SYT1: variants seen among roughly 807,000 people sequenced by gnomAD.
The protein encoded by SYT1 is synaptotagmin-1.
A neutral mutation model predicts 44.8 loss-of-function variants in SYT1; 8 were observed. The ratio of observed to expected loss-of-function variants is 0.18; its 90% CI spans 0.10 to 0.32. The LOEUF is 0.32. Ranked by LOEUF, SYT1 falls within the 10% of genes least tolerant of loss-of-function variation. The pLI is 1.00. For missense variants in SYT1, 286 were observed against 509.3 expected, an observed-to-expected ratio of 0.56 and a Z score of 4.22; for synonymous variants, 154 against 188.8, an observed-to-expected ratio of 0.82 and a Z score of 1.51.
chr12:79,329,237 T>C (rs1338075095), intron 8 of SYT1, among the ~76,000 whole-genome samples: 1 of 152,114 alleles, frequency 6.6e-6, no homozygotes, highest in Non-Finnish European at 1.5e-5. Flanking sequence ...AGGGCCCAAG[T>C]GTGGTAAGAT....
Position 79,349,060 on chromosome 12 carries a change from G to GAAAGAAAGAAA in SYT1, c.811-4442_811-4441insAAAGAAAGAAA, listed in dbSNP as rs1565920027. Among the ~76,000 whole-genome samples the GAAAGAAAGAAA allele has an allele frequency of 2.2e-3, 279 of 128,796 alleles. 1 individual carries two copies. The highest frequency in any genetic ancestry group is 7.8e-3 in the Middle Eastern group (2 of 258). 84.5% of individuals were successfully genotyped at this position (128,796 alleles called of 152,430 possible). Reference sequence around the variant, plus strand: ...AAGAAAGAAAGAAAGAAAGAAAGGAGGGAGGGAGGGAGGGAGGGAAGGAAG... The same window carrying GAAAGAAAGAAA: ...AAGAAAGAAAGAAAGAAAGAAAGGAGAAAGAAAGAAAGGAGGGAGGGAGGGAGGGAAGGAAG... On this transcript the variant is annotated intron_variant, in intron 8 of 10. Transcript: ENST00000261205.
chr12:79,122,282 A>C (rs1868282442), intron 3 of SYT1, among the ~76,000 whole-genome samples: 1 of 151,868 alleles, frequency 6.6e-6, no homozygotes, highest in East Asian at 1.9e-4. Flanking sequence ...TGGGAGGCCG[A>C]GGCGGGCGGA....
At chr12:79,240,691 AGTTTCTGTGCTTAATTTGATCTC>A (rs572413875) in intron 4 of SYT1, among the ~76,000 whole-genome samples, 37 of 152,298 alleles carry the variant, frequency 2.4e-4, no homozygotes, top group African/African-American at 8.2e-4. Context: ...GAAGAAGTAG[AGTTTCTGTGCTTAATTTGATCTC>A]AGTTGTACAA....
chr12:79,409,561 G>A (rs1868342532), intron 9 of SYT1, among the ~76,000 whole-genome samples: 1 of 152,054 alleles, frequency 6.6e-6, no homozygotes, highest in South Asian at 2.1e-4. Context: ...ATACCTGAAT[G>A]GCCTAGAGGT....
At chr12:79,252,883 G>A (rs948852954) in intron 4 of SYT1, among the ~76,000 whole-genome samples, 15 of 152,288 alleles carry the variant, frequency 9.8e-5, no homozygotes, top group African/African-American at 3.4e-4. Context: ...CTAGTTGACA[G>A]GTTGAGCCAG....
chr12:79,342,550 A>C (rs1882425434), intron 8 of SYT1, among the ~76,000 whole-genome samples: 1 of 152,218 alleles, frequency 6.6e-6, no homozygotes, highest in Non-Finnish European at 1.5e-5. Context: ...TGACTCTGTC[A>C]ATTGTATTCT....
chr12:79,342,831 G>A (rs1229821339), intron 8 of SYT1, among the ~76,000 whole-genome samples: 2 of 152,112 alleles, frequency 1.3e-5, no homozygotes, highest in Non-Finnish European at 2.9e-5. Context: ...TCAGTTTTTG[G>A]CATTCGAGTC....
chr12:79,304,876 T>A (rs1213357895), intron 8 of SYT1, among the ~76,000 whole-genome samples: 1 of 152,074 alleles, frequency 6.6e-6, no homozygotes, highest in Non-Finnish European at 1.5e-5. Flanking sequence ...TATCTCTGCG[T>A]CCATATCATG....
At chr12:78,940,900 A>G (rs903496068) in intron 1 of SYT1, among the ~76,000 whole-genome samples, 14 of 152,108 alleles carry the variant, frequency 9.2e-5, no homozygotes, top group Non-Finnish European at 1.9e-4. Flanking sequence ...TCTGTTTCAG[A>G]AAGGTCAACA....
At chr12:78,918,547 T>A (rs1192242972) in intron 1 of SYT1, among the ~76,000 whole-genome samples, 5 of 151,998 alleles carry the variant, frequency 3.3e-5, no homozygotes, top group Admixed American at 1.3e-4. Flanking sequence ...ACTCTTGATA[T>A]GTATGGGAAA....
At chr12:79,352,856 T>C (rs17005513) in intron 8 of SYT1, among the ~76,000 whole-genome samples, 3,761 of 152,282 alleles carry the variant, frequency 0.025, 60 homozygotes, top group East Asian at 0.1. Flanking sequence ...ATTGTGTTAC[T>C]ATGGGTTTCA....
intron 4 of SYT1, among the ~76,000 whole-genome samples, chr12:79,265,987 C>T (rs1326160575): frequency 6.6e-6 from 1 of 152,156 alleles, no homozygotes; most frequent in Admixed American, 6.5e-5. Flanking sequence ...TGAACACGTG[C>T]ATACGTTTTC....
chr12:79,020,245 A>AATTT (rs1872099271), intron 2 of SYT1, among the ~76,000 whole-genome samples: 1 of 151,880 alleles, frequency 6.6e-6, no homozygotes, highest in African/African-American at 2.4e-5. Context: ...TATCTCCCTA[A>AATTT]ATCAGTTTAA....
At chr12:79,094,103 T>C (rs1877960121) in intron 3 of SYT1, among the ~76,000 whole-genome samples, 1 of 151,888 alleles carries the variant, frequency 6.6e-6, no homozygotes, top group African/African-American at 2.4e-5. Context: ...TTATATCTTA[T>C]TTGGAAATGA....
intron 1 of SYT1, among the ~76,000 whole-genome samples, chr12:78,916,637 C>T (rs1295296575): frequency 6.6e-6 from 1 of 151,814 alleles, no homozygotes; most frequent in Non-Finnish European, 1.5e-5. Flanking sequence ...TTATAAAGGA[C>T]TTGGTTAATT....
At chr12:79,433,425 A>G (rs1869911174) in intron 9 of SYT1, among the ~76,000 whole-genome samples, 1 of 152,222 alleles carries the variant, frequency 6.6e-6, no homozygotes, top group South Asian at 2.1e-4. Flanking sequence ...TAAAAATCCT[A>G]GCAGCAATGT....
intron 3 of SYT1, among the ~76,000 whole-genome samples, chr12:79,205,257 C>T (rs140641445): frequency 3.2e-4 from 49 of 152,158 alleles, no homozygotes; most frequent in Admixed American, 2.4e-3. Flanking sequence ...CCACCGCACC[C>T]GGCCTCCTGT....
chr12:78,994,628 T>C (rs1322693740), intron 2 of SYT1, among the ~76,000 whole-genome samples: 1 of 148,244 alleles, frequency 6.7e-6, no homozygotes, highest in Non-Finnish European at 1.5e-5. Flanking sequence ...CTCCACCCTC[T>C]GAGTTCAAGC....
intron 7 of SYT1, among the ~76,000 whole-genome samples, chr12:79,298,627 T>C (rs985677751): frequency 2.0e-5 from 3 of 152,176 alleles, no homozygotes; most frequent in African/African-American, 7.2e-5. Context: ...TCACTGAATA[T>C]TAAAAATGTC....
Sources: gnomAD v4.1 joint callset for allele counts (sites outside exome capture counted in the v4.1 genomes callset) on GRCh38, gnomAD v4.1.1 for gene constraint, MANE v1.5 for transcripts, NCBI Gene and HGNC (gene_info 2026-07-23, HGNC 2026-07-21) for gene names.